CCDC186: variants seen among roughly 807,000 people sequenced by gnomAD.
CCDC186 encodes coiled-coil domain-containing protein 186.
A neutral mutation model predicts 113.7 loss-of-function variants in CCDC186; 49 were observed. The observed-to-expected ratio is 0.43, with a 90% confidence interval of 0.34 to 0.55. The LOEUF is 0.55. Ranked by LOEUF, CCDC186 falls within the 20% of genes least tolerant of loss-of-function variation. The probability of loss-of-function intolerance (pLI) is 0.02; values close to 1 mark genes in which losing one functional copy is unlikely to be tolerated. For missense variants in CCDC186, 890 were observed against 1,011.1 expected, an observed-to-expected ratio of 0.88 and a Z score of 1.62; for synonymous variants, 355 against 345.8, an observed-to-expected ratio of 1.03 and a Z score of -0.30.
At chr10:114,154,189 T>G (rs1414072772) in intron 3 of CCDC186, among the ~76,000 whole-genome samples, 2 of 129,644 alleles carry the variant, frequency 1.5e-5, no homozygotes, top group Non-Finnish European at 3.2e-5. Flanking sequence ...CCAGCCTGGG[T>G]GAAACAGCCA....
In CCDC186 at chr10:114,174,147, G is replaced by A. The variant is rs752444802; in HGVS notation, c.-194C>T. On this transcript the variant is annotated 5_prime_UTR_variant, in exon 1 of 16. Coordinates refer to ENST00000369287, the MANE Select transcript of CCDC186 (RefSeq NM_018017.4). The stretch of plus-strand genomic sequence containing the variant: ...GACCGCGGTGAGAAACACAGCCGAC[G>A]CCTCACTCAGCGGCCGTTTCCCCAA... 2.1e-6 allele frequency: 1 copy of A among 470,404 alleles called. No individual in the cohort carries two copies. The highest frequency in any genetic ancestry group is 1.6e-5 in the South Asian group (1 of 64,414). The allele number at this position is 470,404 out of a possible 1,614,324, so 29.1% of individuals were successfully genotyped here. A position where few individuals can be genotyped will look rare whatever the true frequency, so the allele number is the denominator to read the frequency against.
At chr10:114,154,772 C>T (rs2031962143) in intron 3 of CCDC186, among the ~76,000 whole-genome samples, 1 of 152,160 alleles carries the variant, frequency 6.6e-6, no homozygotes, top group Admixed American at 6.6e-5. Context: ...CGTGAATGTT[C>T]ACAGTGGTAT....
intron 4 of CCDC186, among the ~76,000 whole-genome samples, chr10:114,146,460 C>T (rs746557940): frequency 2.0e-5 from 3 of 152,110 alleles, no homozygotes; most frequent in African/African-American, 7.2e-5. Flanking sequence ...AACTCCCTTT[C>T]GAAAATTAAG....
chr10:114,148,937 C>T (rs1418786535), intron 4 of CCDC186, among the ~76,000 whole-genome samples: 2 of 152,146 alleles, frequency 1.3e-5, no homozygotes, highest in Non-Finnish European at 2.9e-5. Flanking sequence ...CATATGGGAA[C>T]CTATTTTTAA....
At chr10:114,152,067 G>A (rs2031873004) in intron 3 of CCDC186, among the ~76,000 whole-genome samples, 1 of 152,222 alleles carries the variant, frequency 6.6e-6, no homozygotes, top group Admixed American at 6.5e-5. Flanking sequence ...AAGGAGCCAG[G>A]TAGTGGCTTA....
At position 114,163,051 on chromosome 10, in the gene CCDC186, T is replaced by A. The variant is rs1388934270; in HGVS notation, c.218A>T (p.His73Leu). 1 of 1,613,816 alleles carries A rather than the reference T, an allele frequency of 6.2e-7. No individual in the cohort carries two copies. Among genetic ancestry groups the A allele is most frequent in the African/African-American group, 1.3e-5 (1 of 74,940 alleles). Residue 73 changes from histidine to leucine, a missense_variant, in exon 2 of 16, where the codon CAT becomes CTT. Coordinates refer to ENST00000369287, the MANE Select transcript of CCDC186 (RefSeq NM_018017.4). ...IEAQENYIPDHGGGEDSCAKT... is the reference protein window; with the variant it reads ...IEAQENYIPDLGGGEDSCAKT... ...GGCACAAGAATCCTCACCTCCACCA[T>A]GATCTGGAATATAATTTTCCTGGGC...
At position 114,144,586 on chromosome 10, in the gene CCDC186, T is replaced by G; in HGVS notation, c.1132A>C (p.Ile378Leu). 6.2e-7 allele frequency: 1 copy of G among 1,612,714 alleles called. No individual in the cohort carries two copies. Among genetic ancestry groups the G allele is most frequent in the Non-Finnish European group, 8.5e-7 (1 of 1,178,962 alleles). The change falls in exon 6 of 16, where the codon ATA (isoleucine) becomes CTA (leucine). Residue 378 changes from isoleucine to leucine, a missense_variant. Transcript: ENST00000369287. Reference protein sequence around the residue: ...EGETTRLIREIDKLKEDINSH... With the variant: ...EGETTRLIRELDKLKEDINSH... Reference sequence around the variant, plus strand: ...TTAATGTCTTCCTTTAATTTGTCTATTTCTCTGATGAGTCTAGTCGTTTCG... The same window carrying G: ...TTAATGTCTTCCTTTAATTTGTCTAGTTCTCTGATGAGTCTAGTCGTTTCG...
chr10:114,165,043 G>A (rs1395987248), intron 1 of CCDC186, among the ~76,000 whole-genome samples: 4 of 152,290 alleles, frequency 2.6e-5, no homozygotes, highest in East Asian at 3.9e-4. Context: ...TAGGAATGTC[G>A]AAAATGGGAG....
At chr10:114,125,498 A>G (rs1381945012) in intron 15 of CCDC186, among the ~76,000 whole-genome samples, 1 of 152,138 alleles carries the variant, frequency 6.6e-6, no homozygotes, top group East Asian at 1.9e-4. Flanking sequence ...TTATTTTTAA[A>G]CTAACTACTA....
Position 114,142,102 on chromosome 10 carries a change from C to T in CCDC186, c.1221+2395G>A, listed in dbSNP as rs1401087351. ...AAAGCAAATAAGAAGCCCATTCTGG[C>T]TTCTAATGACTGGGCCTTCTGAGTA... On this transcript the variant is annotated intron_variant, in intron 6 of 15. Transcript: ENST00000369287. Among the ~76,000 whole-genome samples the T allele has an allele frequency of 2.6e-5, 4 of 152,186 alleles. No homozygotes were observed. The East Asian group carries it at 7.7e-4, about 29-fold the overall frequency.
chr10:114,157,508 T>C (rs994189486), intron 3 of CCDC186, 46 bp downstream of exon 3: 18 of 1,531,528 alleles, frequency 1.2e-5, no homozygotes, highest in East Asian at 6.9e-5. Flanking sequence ...AATGTATTTA[T>C]TTTATTAATT....
At chr10:114,148,040 G>A (rs962105383) in intron 4 of CCDC186, among the ~76,000 whole-genome samples, 1 of 152,102 alleles carries the variant, frequency 6.6e-6, no homozygotes, top group Non-Finnish European at 1.5e-5. Flanking sequence ...GAGGGCTAAG[G>A]TGGGAGGTCT....
At chr10:114,142,042 A>C (rs992314051) in intron 6 of CCDC186, among the ~76,000 whole-genome samples, 1 of 152,230 alleles carries the variant, frequency 6.6e-6, no homozygotes, top group African/African-American at 2.4e-5. Flanking sequence ...GTTATAGAAC[A>C]TAGAATATAG....
intron 4 of CCDC186, among the ~76,000 whole-genome samples, chr10:114,150,689 C>A (rs566374929): frequency 6.6e-6 from 1 of 152,194 alleles, no homozygotes; most frequent in Non-Finnish European, 1.5e-5. Flanking sequence ...TGCTTTGTCA[C>A]CCAGGCTGGA....
intron 15 of CCDC186, 24 bp downstream of exon 15, chr10:114,125,862 T>C: frequency 6.3e-7 from 1 of 1,589,950 alleles, no homozygotes; most frequent in Non-Finnish European, 8.6e-7. Context: ...TACTGGTTGG[T>C]GTGTGAATGA....
At position 114,136,132 on chromosome 10, in the gene CCDC186, G is replaced by T. The variant is rs748127906; in HGVS notation, c.1425+16C>A. On this transcript the variant is annotated intron_variant, in intron 8 of 15. Coordinates refer to ENST00000369287, the MANE Select transcript of CCDC186 (RefSeq NM_018017.4). ...TATTATGCAACTTAGGATATATAAA[G>T]AGCAAAACTACTCACCTCTAGCTGG... The T allele has an allele frequency of 5.0e-6, 8 of 1,598,222 alleles. No homozygotes were observed. In the South Asian group the frequency reaches 8.8e-5, roughly 18 times the overall value.
intron 6 of CCDC186, among the ~76,000 whole-genome samples, chr10:114,139,897 T>C (rs2031412080): frequency 6.6e-6 from 1 of 152,180 alleles, no homozygotes; most frequent in Non-Finnish European, 1.5e-5. Flanking sequence ...GCTCAAAAAA[T>C]AGCAATTGAG....
intron 3 of CCDC186, among the ~76,000 whole-genome samples, chr10:114,154,119 G>A (rs1589625098): frequency 6.6e-6 from 1 of 151,162 alleles, no homozygotes; most frequent in Admixed American, 6.6e-5. Flanking sequence ...GTTGAGGTGG[G>A]AGGATCACTT....
chr10:114,131,934 T>G lies in CCDC186; in HGVS notation c.1906A>C (p.Asn636His). Residue 636 changes from asparagine to histidine, a missense_variant, in exon 11 of 16, where the codon AAT becomes CAT. By Grantham distance (68) the Asn-to-His change is moderately conservative (BLOSUM62 1). Transcript: ENST00000369287. ...QCEQMKQTNI[N>H]LESRLLKEEE... ...AAATGTAAATTTATACTTACCAAAT[T>G]AATATTTGTCTGTTTCATTTGTTCA... The G allele has an allele frequency of 6.3e-7, 1 of 1,598,702 alleles. No individual in the cohort carries two copies. The highest frequency in any genetic ancestry group is 8.5e-7 in the Non-Finnish European group (1 of 1,171,884).
Sources: gnomAD v4.1 joint callset for allele counts (sites outside exome capture counted in the v4.1 genomes callset) on GRCh38, gnomAD v4.1.1 for gene constraint, MANE v1.5 for transcripts, NCBI Gene and HGNC (gene_info 2026-07-23, HGNC 2026-07-21) for gene names.